Variants in ZNF385D observed in about 807,000 individuals in gnomAD.
ZNF385D encodes the protein zinc finger protein 659.
Under a neutral mutation model 35.8 loss-of-function variants are expected in ZNF385D, and 15 were observed. The ratio of observed to expected loss-of-function variants is 0.42; its 90% confidence interval spans 0.28 to 0.64. The LOEUF (loss-of-function observed/expected upper bound fraction) is 0.64. Among genes scored for constraint, ZNF385D ranks in the 30% least tolerant of loss-of-function variants. The probability of loss-of-function intolerance (pLI) is 0.23; values close to 1 mark genes in which losing one functional copy is unlikely to be tolerated. For synonymous variants in ZNF385D, 212 were observed against 186.8 expected, an observed-to-expected ratio of 1.13 and a Z score of -1.10; for missense variants, 474 against 494.6, an observed-to-expected ratio of 0.96 and a Z score of 0.39.
At chr3:22,108,196 T>C (rs966756746) in intron 3 of ZNF385D, among the ~76,000 whole-genome samples, 6 of 152,152 alleles carry the variant, frequency 3.9e-5, no homozygotes, top group African/African-American at 1.4e-4. Context: ...TATGTCTGCA[T>C]ACATACACAC....
intron 2 of ZNF385D, among the ~76,000 whole-genome samples, chr3:22,291,282 T>C (rs1008472174): frequency 1.3e-5 from 2 of 152,168 alleles, no homozygotes; most frequent in Non-Finnish European, 1.5e-5. Flanking sequence ...GTTAAACATA[T>C]ATATTTATTG....
intron 2 of ZNF385D, among the ~76,000 whole-genome samples, chr3:22,280,367 T>G (rs929397437): frequency 2.2e-4 from 27 of 123,276 alleles, no homozygotes; most frequent in African/African-American, 1.0e-3. Context: ...TCTAGAAGGG[T>G]TTTTTTTTTT....
chr3:21,573,621 A>G (rs919182646), intron 2 of ZNF385D, among the ~76,000 whole-genome samples: 20 of 152,308 alleles, frequency 1.3e-4, no homozygotes, highest in African/African-American at 4.6e-4. Flanking sequence ...GTTATAAGAA[A>G]CTCATTAAAT....
At chr3:22,039,235 G>T (rs1698515867) in intron 3 of ZNF385D, among the ~76,000 whole-genome samples, 1 of 125,274 alleles carries the variant, frequency 8.0e-6, no homozygotes, top group African/African-American at 2.9e-5. Flanking sequence ...AAACACTGTT[G>T]ATTTGGCTAT....
chr3:22,372,459 G>A (rs1179915352), exon 2 of ZNF385D: 2 of 985,964 alleles, frequency 2.0e-6, no homozygotes, highest in Middle Eastern at 5.2e-4. Context: ...CCGCGGCTGG[G>A]CTGAGCTTTC....
intron 2 of ZNF385D, among the ~76,000 whole-genome samples, chr3:22,370,865 G>T (rs1696871106): frequency 6.6e-6 from 1 of 152,134 alleles, no homozygotes; most frequent in Non-Finnish European, 1.5e-5. Context: ...CAGCCACATT[G>T]TCATAGAGCA....
intron 3 of ZNF385D, among the ~76,000 whole-genome samples, chr3:22,040,900 G>A (rs1698626333): frequency 6.6e-6 from 1 of 151,946 alleles, no homozygotes; most frequent in African/African-American, 2.4e-5. Context: ...TTTTTGTGGG[G>A]GAAGTTTTAT....
chr3:21,928,663 C>T (rs979850208), intron 3 of ZNF385D, among the ~76,000 whole-genome samples: 1 of 152,060 alleles, frequency 6.6e-6, no homozygotes, highest in Non-Finnish European at 1.5e-5. Flanking sequence ...AGGGGGACAG[C>T]AACACAAACT....
At chr3:21,806,755 G>T (rs1305059914) in intron 3 of ZNF385D, among the ~76,000 whole-genome samples, 1 of 152,144 alleles carries the variant, frequency 6.6e-6, no homozygotes, top group Non-Finnish European at 1.5e-5. Flanking sequence ...AACTACCCTA[G>T]TCAGAAAACT....
chr3:21,572,267 T>C (rs2063357114), intron 2 of ZNF385D, among the ~76,000 whole-genome samples: 1 of 152,206 alleles, frequency 6.6e-6, no homozygotes, highest in Non-Finnish European at 1.5e-5. Context: ...AATACAATAC[T>C]TGTACATCCT....
intron 3 of ZNF385D, among the ~76,000 whole-genome samples, chr3:22,155,100 ACTT>A (rs1015273039): frequency 9.9e-5 from 15 of 152,276 alleles, no homozygotes; most frequent in East Asian, 5.8e-4. Context: ...CAGAATTGCA[ACTT>A]CTTAATTGCC....
At chr3:21,778,671 CAA>C (rs925060356) in intron 3 of ZNF385D, among the ~76,000 whole-genome samples, 6 of 151,674 alleles carry the variant, frequency 4.0e-5, no homozygotes, top group African/African-American at 1.5e-4. Context: ...TCTCACAATA[CAA>C]AAAGAGGACT....
At chr3:21,767,420 C>A (rs2125601388) in intron 3 of ZNF385D, among the ~76,000 whole-genome samples, 1 of 152,144 alleles carries the variant, frequency 6.6e-6, no homozygotes, top group Middle Eastern at 3.4e-3. Context: ...TATAGCATTT[C>A]ATTTTGTTGC....
intron 3 of ZNF385D, among the ~76,000 whole-genome samples, chr3:21,776,292 C>G (rs1277021885): frequency 6.6e-6 from 1 of 151,838 alleles, no homozygotes; most frequent in Non-Finnish European, 1.5e-5. Context: ...AAATGTAATA[C>G]TAGGTTAAAG....
chr3:21,526,306 T>G (rs1459428185), intron 3 of ZNF385D, among the ~76,000 whole-genome samples: 1 of 152,074 alleles, frequency 6.6e-6, no homozygotes. Context: ...GCACACAAAC[T>G]TCCAAGCAGA....
chr3:22,194,542 ACT>A (rs556827703), intron 2 of ZNF385D, among the ~76,000 whole-genome samples: 464 of 152,018 alleles, frequency 3.1e-3, no homozygotes, highest in African/African-American at 0.011. Flanking sequence ...AGTAAAATTC[ACT>A]GTCATTTTTG....
At chr3:22,336,937 A>AAAAAAAAAAAAAC in intron 2 of ZNF385D, among the ~76,000 whole-genome samples, 1 of 144,674 alleles carries the variant, frequency 6.9e-6, no homozygotes, top group Non-Finnish European at 1.5e-5. Flanking sequence ...AAAAAAAAAA[A>AAAAAAAAAAAAAC]CCCTTACTGT....
chr3:22,114,578 T>A (rs2125652166), intron 3 of ZNF385D, among the ~76,000 whole-genome samples: 1 of 152,210 alleles, frequency 6.6e-6, no homozygotes, highest in Admixed American at 6.6e-5. Context: ...GGTACATTAA[T>A]GAGCAGATCA....
chr3:21,464,598 G>T (rs553767056), intron 4 of ZNF385D, among the ~76,000 whole-genome samples: 1 of 152,136 alleles, frequency 6.6e-6, no homozygotes, highest in African/African-American at 2.4e-5. Flanking sequence ...CTCTAGAATT[G>T]CAGTTTTTAA....
Sources: gnomAD v4.1 joint callset for allele counts (sites outside exome capture counted in the v4.1 genomes callset) on GRCh38, gnomAD v4.1.1 for gene constraint, MANE v1.5 for transcripts, NCBI Gene and HGNC (gene_info 2026-07-23, HGNC 2026-07-21) for gene names.